The following PDE1A variants were observed in gnomAD, a reference collection of about 807,000 sequenced individuals.
PDE1A encodes the protein dual specificity calcium/calmodulin-dependent 3',5'-cyclic nucleotide phosphodiesterase 1A.
Under a neutral mutation model 61.7 loss-of-function variants are expected in PDE1A, and 35 were observed. That is an observed-to-expected ratio of 0.57 (90% confidence interval 0.43 to 0.75). The LOEUF (loss-of-function observed/expected upper bound fraction) is 0.75, where lower values mean the gene tolerates loss of function less well. Among genes scored for constraint, PDE1A ranks in the 30% least tolerant of loss-of-function variants. PDE1A has a pLI of 0.00. For synonymous variants in PDE1A, 232 were observed against 213.2 expected, an observed-to-expected ratio of 1.09 and a Z score of -0.77; for missense variants, 597 against 630.6, an observed-to-expected ratio of 0.95 and a Z score of 0.57.
chr2:182,283,802 G>A (rs1293992409), intron 1 of PDE1A, among the ~76,000 whole-genome samples: 1 of 152,020 alleles, frequency 6.6e-6, no homozygotes, highest in Non-Finnish European at 1.5e-5. Context: ...GTACAAAGGA[G>A]GAGGCTTTTC....
At chr2:182,369,767 A>C (rs920104645) in intron 1 of PDE1A, among the ~76,000 whole-genome samples, 92 of 152,268 alleles carry the variant, frequency 6.0e-4, no homozygotes, top group African/African-American at 2.2e-3. Context: ...CATAACAAAT[A>C]AATTGGAAAT....
At chr2:182,678,066 G>A in the PDE1A span, among the ~76,000 whole-genome samples, 1 of 152,290 alleles carries the variant, frequency 6.6e-6, no homozygotes, top group South Asian at 2.1e-4. Context: ...ATGAGAGAAG[G>A]AAAACTACTA....
At chr2:182,459,332 C>A (rs1344317400) in intron 2 of PDE1A, among the ~76,000 whole-genome samples, 1 of 151,980 alleles carries the variant, frequency 6.6e-6, no homozygotes, top group Non-Finnish European at 1.5e-5. Context: ...TATAAGCCTC[C>A]CCCTTGAGAA....
intron 1 of PDE1A, among the ~76,000 whole-genome samples, chr2:182,376,540 C>G (rs1465158373): frequency 6.6e-6 from 1 of 152,210 alleles, no homozygotes; most frequent in Non-Finnish European, 1.5e-5. Flanking sequence ...AGCCATTCAA[C>G]AAGTCTCTGG....
chr2:182,268,790 T>C (rs1159654516), intron 1 of PDE1A, among the ~76,000 whole-genome samples: 1 of 152,150 alleles, frequency 6.6e-6, no homozygotes, highest in African/African-American at 2.4e-5. Context: ...GTAAGTCCTT[T>C]GAAGATGCCT....
chr2:182,310,577 A>T (rs1255428807), intron 1 of PDE1A, among the ~76,000 whole-genome samples: 1 of 152,174 alleles, frequency 6.6e-6, no homozygotes, highest in East Asian at 1.9e-4. Flanking sequence ...GGCAAATATT[A>T]TCCTAGTAAA....
At chr2:182,435,201 C>T (rs1164304958) in intron 2 of PDE1A, among the ~76,000 whole-genome samples, 1 of 152,068 alleles carries the variant, frequency 6.6e-6, no homozygotes, top group Non-Finnish European at 1.5e-5. Context: ...CATAGCCAAA[C>T]ATCCGTTGCT....
chr2:182,640,416 G>A, the PDE1A span, among the ~76,000 whole-genome samples: 4 of 152,080 alleles, frequency 2.6e-5, no homozygotes, highest in African/African-American at 7.2e-5. Flanking sequence ...AAACAGGAAG[G>A]GCATTAAGGA....
At chr2:182,170,432 G>C (rs1279680901) in intron 13 of PDE1A, among the ~76,000 whole-genome samples, 1 of 151,674 alleles carries the variant, frequency 6.6e-6, no homozygotes, top group African/African-American at 2.4e-5. Context: ...TGGATAAATT[G>C]TGCTAAGATT....
At chr2:182,573,549 A>C in the PDE1A span, among the ~76,000 whole-genome samples, 2 of 152,138 alleles carry the variant, frequency 1.3e-5, no homozygotes, top group Admixed American at 1.3e-4. Flanking sequence ...CAGGAATCTT[A>C]ATAGATCCTG....
intron 2 of PDE1A, among the ~76,000 whole-genome samples, chr2:182,469,073 T>C (rs947898013): frequency 4.6e-5 from 7 of 151,932 alleles, no homozygotes; most frequent in East Asian, 1.9e-4. Flanking sequence ...TTCAGAATGG[T>C]AAATGAGCAC....
chr2:182,222,819 A>T (rs756809177), intron 7 of PDE1A, among the ~76,000 whole-genome samples: 1 of 152,038 alleles, frequency 6.6e-6, no homozygotes, highest in Non-Finnish European at 1.5e-5. Flanking sequence ...CTTAACATAT[A>T]TCTCCTTATT....
the PDE1A span, among the ~76,000 whole-genome samples, chr2:182,687,156 G>A: frequency 6.6e-6 from 1 of 152,216 alleles, no homozygotes; most frequent in Non-Finnish European, 1.5e-5. Flanking sequence ...AGACTTAAAT[G>A]TCCCTGTCTG....
At position 182,334,927 on chromosome 2, in the gene PDE1A, G is replaced by A. The variant is rs547140666; in HGVS notation, c.54-70513C>T. Among the ~76,000 whole-genome samples the A allele has an allele frequency of 3.0e-4, 46 of 152,310 alleles. No individual in the cohort carries two copies. The East Asian group carries it at 4.8e-3, about 16-fold the overall frequency. The stretch of plus-strand genomic sequence containing the variant: ...TAAGCTGATGAGCAACTTCAGCAAA[G>A]TCTCAGGATACAAAATCAATGTGCA... On this transcript the variant is annotated intron_variant, in intron 1 of 13. Coordinates refer to ENST00000351439, the Ensembl canonical transcript of PDE1A.
intron 1 of PDE1A, among the ~76,000 whole-genome samples, chr2:182,404,753 TC>T (rs891181149): frequency 2.5e-4 from 38 of 152,310 alleles, no homozygotes; most frequent in Non-Finnish European, 5.0e-4. Context: ...CCATATCTTG[TC>T]CCCATGGAAG....
At chr2:182,205,978 T>G in exon 8 of PDE1A, 1 of 1,610,304 alleles carries the variant, frequency 6.2e-7, no homozygotes, top group Admixed American at 1.7e-5. Flanking sequence ...AGATATTCAT[T>G]TCTTCTTCTT....
At chr2:182,329,869 G>A (rs955771367) in intron 1 of PDE1A, among the ~76,000 whole-genome samples, 29 of 152,138 alleles carry the variant, frequency 1.9e-4, no homozygotes, top group African/African-American at 5.1e-4. Context: ...ACTCCACAAC[G>A]AAAGTTCCAT....
At chr2:182,552,207 T>C in the PDE1A span, among the ~76,000 whole-genome samples, 1 of 152,208 alleles carries the variant, frequency 6.6e-6, no homozygotes, top group East Asian at 1.9e-4. Context: ...GTTTTTCACA[T>C]ATAATGCCTT....
the PDE1A span, among the ~76,000 whole-genome samples, chr2:182,697,218 C>T: frequency 6.6e-6 from 1 of 152,128 alleles, no homozygotes; most frequent in Non-Finnish European, 1.5e-5. Context: ...AAGGCAGGAG[C>T]ACTCAACGGC....
Sources: allele counts gnomAD v4.1 joint callset (sites outside exome capture counted in the v4.1 genomes callset), GRCh38; gene constraint gnomAD v4.1.1; transcripts MANE v1.5; gene names NCBI Gene and HGNC (gene_info 2026-07-23, HGNC 2026-07-21).